The following BICRA variants were observed in gnomAD, a reference collection of about 807,000 sequenced individuals.
The protein encoded by BICRA is BRD4 interacting chromatin remodeling complex associated protein, also known as BRD4-interacting chromatin-remodeling complex-associated protein.
A neutral mutation model predicts 96.9 loss-of-function variants in BICRA; 31 were observed. The observed-to-expected ratio is 0.32, with a 90% confidence interval of 0.24 to 0.43. The LOEUF (loss-of-function observed/expected upper bound fraction) is 0.43. BICRA is among the 20% of genes least tolerant of loss of function. The probability of loss-of-function intolerance (pLI) is 1.00; values close to 1 mark genes in which losing one functional copy is unlikely to be tolerated. For missense variants in BICRA, 2,283 were observed against 2,190.3 expected, an observed-to-expected ratio of 1.04 and a Z score of -0.84; for synonymous variants, 1,350 against 1,071.8, an observed-to-expected ratio of 1.26 and a Z score of -5.07.
At chr19:47,622,134 T>G (rs1207057476) in intron 1 of BICRA, among the ~76,000 whole-genome samples, 1 of 151,850 alleles carries the variant, frequency 6.6e-6, no homozygotes, top group African/African-American at 2.4e-5. Context: ...GCCCAGCTAA[T>G]TTTTGTATTT....
chr19:47,645,489 G>A (rs1485657982), intron 1 of BICRA, among the ~76,000 whole-genome samples: 2 of 152,084 alleles, frequency 1.3e-5, no homozygotes, highest in Admixed American at 6.6e-5. Context: ...ACAACCCGCT[G>A]CATTCATAAT....
rs188465996 is a variant in BICRA at position 47,622,788 on chromosome 19, C to T, written c.-108+13620C>T. Among the ~76,000 whole-genome samples, 684 of 149,892 alleles carry T rather than the reference C, an allele frequency of 4.6e-3. 3 individuals carry two copies. Among genetic ancestry groups the T allele is most frequent in the Middle Eastern group, 0.039 (11 of 284 alleles). ...GGTGCGGTGGCTCATGCCTGTAATC[C>T]TAGCACTTTGGGAGCCCAAGGTGGG... On this transcript the variant is annotated intron_variant, in intron 1 of 14. Transcript: ENST00000594866.
chr19:47,648,857 T>TC (rs1972502548), intron 1 of BICRA, among the ~76,000 whole-genome samples: 1 of 150,970 alleles, frequency 6.6e-6, no homozygotes, highest in Non-Finnish European at 1.5e-5. Context: ...GGGCTATTTT[T>TC]TTTTTTTTTT....
intron 4 of BICRA, 43 bp downstream of exon 4, chr19:47,673,805 T>G (rs1199275339): frequency 6.5e-7 from 1 of 1,534,588 alleles, no homozygotes; most frequent in African/African-American, 1.4e-5. Context: ...AGTGGGGGGC[T>G]GTCTAATTGG....
intron 1 of BICRA, among the ~76,000 whole-genome samples, chr19:47,660,561 A>G (rs562652498): frequency 1.3e-5 from 2 of 152,336 alleles, no homozygotes; most frequent in East Asian, 3.9e-4. Flanking sequence ...TGTTAAGTCC[A>G]CGTACCAGGT....
Position 47,625,956 on chromosome 19 carries a change from T to C in BICRA, c.-108+16788T>C, listed in dbSNP as rs148127468. ...TTTGTTTCTTGGCCCCTGGGTCTTA[T>C]GAGCAAATGGTGGTTCTTAATTTGG... is the stretch of plus-strand genomic sequence containing the variant. On this transcript the variant is annotated intron_variant, in intron 1 of 14. Coordinates refer to ENST00000594866, the MANE Select transcript of BICRA (RefSeq NM_001394372.1). 4.0e-3 allele frequency among the ~76,000 whole-genome samples: 611 copies of C among 152,210 alleles called. 4 individuals carry two copies. Among genetic ancestry groups the C allele is most frequent in the Admixed American group, 6.7e-3 (103 of 15,274 alleles).
At chr19:47,610,381 C>G (rs564909163) in intron 1 of BICRA, among the ~76,000 whole-genome samples, 304 of 152,326 alleles carry the variant, frequency 2.0e-3, no homozygotes, top group African/African-American at 6.9e-3. Context: ...GGCTCGGGCT[C>G]GGGCGCCGGC....
intron 1 of BICRA, among the ~76,000 whole-genome samples, chr19:47,612,722 G>A (rs971149389): frequency 6.6e-5 from 10 of 151,952 alleles, no homozygotes; most frequent in African/African-American, 2.4e-4. Flanking sequence ...TACAGATGGG[G>A]AAACTGAGGC....
intron 6 of BICRA, 70 bp downstream of exon 6, chr19:47,681,346 G>A (rs1321880478): frequency 4.4e-6 from 6 of 1,368,968 alleles, no homozygotes; most frequent in South Asian, 1.2e-5. Context: ...GTCCTGGGGC[G>A]AGGCGCCAAG....
At position 47,632,775 on chromosome 19, in the gene BICRA, G is replaced by A. The variant is rs754913358; in HGVS notation, c.-108+23607G>A. On this transcript the variant is annotated intron_variant, in intron 1 of 14. Coordinates refer to ENST00000594866, the MANE Select transcript of BICRA (RefSeq NM_001394372.1). ...CACGGTGGGAGGGGACCACCTTCAG[G>A]CACAGGCCCACCCAGCCTAGGGAAA... Among the ~76,000 whole-genome samples the A allele has an allele frequency of 5.3e-5, 8 of 152,232 alleles. No homozygotes were observed. The East Asian group carries it at 7.7e-4, about 15-fold the overall frequency.
intron 10 of BICRA, among the ~76,000 whole-genome samples, chr19:47,695,688 G>A (rs1039823617): frequency 1.6e-4 from 24 of 152,262 alleles, no homozygotes; most frequent in Admixed American, 9.8e-4. Flanking sequence ...ACACGGAGAC[G>A]GTGGGACGGA....
intron 7 of BICRA, among the ~76,000 whole-genome samples, chr19:47,682,945 T>C (rs569313078): frequency 3.9e-4 from 59 of 152,298 alleles, no homozygotes; most frequent in African/African-American, 1.4e-3. Flanking sequence ...GTGCTGAGAT[T>C]ACATGTGTAG....
At chr19:47,658,952 T>C (rs974077653) in intron 1 of BICRA, among the ~76,000 whole-genome samples, 7 of 152,204 alleles carry the variant, frequency 4.6e-5, no homozygotes, top group Admixed American at 3.3e-4. Flanking sequence ...ATTTCTTTTG[T>C]ATTTCCGCCA....
In BICRA at chr19:47,694,949, C is replaced by T. The variant is rs1358571346; in HGVS notation, c.2945C>T (p.Ala982Val). Residue 982 changes from alanine (A) to valine (V), a missense_variant, in exon 9 of 15, where the codon GCC (alanine) becomes GTC (valine). Coordinates refer to ENST00000594866, the MANE Select transcript of BICRA (RefSeq NM_001394372.1). ...LQNKAGGAPA[A>V]PQTSTSLGPL... The stretch of plus-strand genomic sequence containing the variant: ...AACAAGGCTGGGGGGGCCCCTGCCG[C>T]CCCGCAGACCTCCACCAGCCTGGGG... The T allele has an allele frequency of 1.3e-6, 2 of 1,543,332 alleles. No individual in the cohort carries two copies. Among genetic ancestry groups the T allele is most frequent in the Non-Finnish European group, 1.7e-6 (2 of 1,152,100 alleles).
chr19:47,656,268 G>A (rs919205373), intron 1 of BICRA, among the ~76,000 whole-genome samples: 1 of 148,602 alleles, frequency 6.7e-6, no homozygotes, highest in Non-Finnish European at 1.5e-5. Context: ...AAAAAACAAC[G>A]AGAAGGCTGT....
At chr19:47,643,472 T>C (rs1354552300) in intron 1 of BICRA, among the ~76,000 whole-genome samples, 1 of 152,140 alleles carries the variant, frequency 6.6e-6, no homozygotes, top group Non-Finnish European at 1.5e-5. Context: ...ACTGGCAGCA[T>C]CCCTGGCATC....
At chr19:47,610,182 AC>A (rs1971880252) in intron 1 of BICRA, among the ~76,000 whole-genome samples, 1 of 152,074 alleles carries the variant, frequency 6.6e-6, no homozygotes, top group East Asian at 1.9e-4. Context: ...GGCCGCGGGC[AC>A]CCGGAGGGAG....
intron 9 of BICRA, 22 bp from the exon 10 acceptor site, chr19:47,695,343 C>T (rs923464249): frequency 4.8e-6 from 3 of 630,270 alleles, no homozygotes; most frequent in African/African-American, 3.7e-5. Context: ...GGCCCTGTCT[C>T]CCCCACCCCA....
intron 1 of BICRA, among the ~76,000 whole-genome samples, chr19:47,627,329 C>T (rs1208244629): frequency 6.6e-6 from 1 of 152,108 alleles, no homozygotes; most frequent in African/African-American, 2.4e-5. Flanking sequence ...GAACAAGGCC[C>T]CTACCTTGTT....
Sources: gnomAD v4.1 joint callset for allele counts (sites outside exome capture counted in the v4.1 genomes callset) on GRCh38, gnomAD v4.1.1 for gene constraint, MANE v1.5 for transcripts, NCBI Gene and HGNC (gene_info 2026-07-23, HGNC 2026-07-21) for gene names.